Variants in LRRC2 observed in about 807,000 individuals in gnomAD.
The protein encoded by LRRC2 is leucine rich repeat containing 2, also known as leucine-rich repeat-containing protein 2.
In LRRC2, 27 loss-of-function variants were observed where a neutral mutation model predicts 40.2. The ratio of observed to expected loss-of-function variants is 0.67; its 90% CI spans 0.49 to 0.93. The LOEUF is 0.93. Ranked by LOEUF, LRRC2 falls within the 40% of genes least tolerant of loss-of-function variation. The probability of loss-of-function intolerance (pLI) is 0.00; values close to 1 mark genes in which losing one functional copy is unlikely to be tolerated. For missense variants in LRRC2, 402 were observed against 439.6 expected, an observed-to-expected ratio of 0.91 and a Z score of 0.76; for synonymous variants, 147 against 158.9, an observed-to-expected ratio of 0.92 and a Z score of 0.56.
rs150109562 is a variant in LRRC2, at chr3:46,539,073, G to T, written c.462C>A (p.Asn154Lys). 6.2e-7 allele frequency: 1 copy of T among 1,613,804 alleles called. No individual in the cohort carries two copies. Among genetic ancestry groups the T allele is most frequent in the Non-Finnish European group, 8.5e-7 (1 of 1,179,908 alleles). Residue 154 changes from asparagine (N) to lysine (K), a missense_variant, in exon 4 of 9, where the codon AAC becomes AAA. Coordinates refer to ENST00000395905, the MANE Select transcript of LRRC2 (RefSeq NM_024512.5). ...TTTCTGCTGGAAGATGTGAGATTTG[G>T]TTTTTTGGCAGATCCAGAATTCTCA... is the stretch of plus-strand genomic sequence containing the variant. ...QAMRILDLPK[N>K]QISHLPAEIG...
At chr3:46,535,699 G>A (rs1218516828) in intron 4 of LRRC2, among the ~76,000 whole-genome samples, 1 of 152,090 alleles carries the variant, frequency 6.6e-6, no homozygotes, top group African/African-American at 2.4e-5. Flanking sequence ...AATATTTTGG[G>A]AACAAGTTAA....
chr3:46,562,174 A>C (rs1704959000), intron 1 of LRRC2, among the ~76,000 whole-genome samples: 1 of 152,176 alleles, frequency 6.6e-6, no homozygotes, highest in African/African-American at 2.4e-5. Context: ...TCTCTGTCAG[A>C]TCACTCACTC....
At position 46,518,953 on chromosome 3, in the gene LRRC2, C is replaced by T; in HGVS notation, c.*61G>A. Reference sequence around the variant, plus strand: ...AGCCATTCTTCCTATATGACATGATCATAACAAAGATTTATATATAGCTCC... The same window carrying T: ...AGCCATTCTTCCTATATGACATGATTATAACAAAGATTTATATATAGCTCC... On this transcript the variant is annotated 3_prime_UTR_variant, in exon 9 of 9. Transcript: ENST00000395905. 1 of 1,128,792 alleles carries T rather than the reference C, an allele frequency of 8.9e-7. No individual in the cohort carries two copies. The highest frequency in any genetic ancestry group is 1.4e-6 in the Non-Finnish European group (1 of 740,316). The allele number at this position is 1,128,792 out of a possible 1,614,324, so 69.9% of individuals were successfully genotyped here.
At chr3:46,556,726 G>A (rs58498208) in intron 1 of LRRC2, among the ~76,000 whole-genome samples, 21,481 of 151,578 alleles carry the variant, frequency 0.14, 1,800 homozygotes, top group East Asian at 0.36. Flanking sequence ...TTACAGGCAC[G>A]TGCCACCACG....
rs1157135480 is a variant in LRRC2, at chr3:46,517,509, T to G, written c.*1505A>C. ...CTGGCTAATTTTTTGAATTTTTTTGTGGAGATGGGGTTTCGTCATGATGTC... is the reference window on the plus strand; with the variant it reads ...CTGGCTAATTTTTTGAATTTTTTTGGGGAGATGGGGTTTCGTCATGATGTC... On this transcript the variant is annotated 3_prime_UTR_variant, in exon 9 of 9. Coordinates refer to ENST00000395905, the MANE Select transcript of LRRC2 (RefSeq NM_024512.5). 6.6e-6 allele frequency: 1 copy of G among 151,986 alleles called. No individual in the cohort carries two copies. Among genetic ancestry groups the G allele is most frequent in the East Asian group, 1.9e-4 (1 of 5,180 alleles). 9.4% of individuals were successfully genotyped at this position (151,986 alleles called of 1,614,324 possible). A position where few individuals can be genotyped will look rare whatever the true frequency, so the allele number is the denominator to read the frequency against.
At position 46,521,501 on chromosome 3, in the gene LRRC2, T is replaced by C. The variant is rs181141230; in HGVS notation, c.1066+21A>G. On this transcript the variant is annotated intron_variant, in intron 8 of 8. Transcript: ENST00000395905. ...ACGTCTGTACACTAATTTTAAATAA[T>C]TTTAAATATGAGTAACCCACCTCTT... 31 of 1,532,762 alleles carry C rather than the reference T, an allele frequency of 2.0e-5. 1 individual carries two copies. Among genetic ancestry groups the C allele is most frequent in the Admixed American group, 8.1e-5 (4 of 49,256 alleles). The allele number at this position is 1,532,762 out of a possible 1,614,324, so 94.9% of individuals were successfully genotyped here.
intron 1 of LRRC2, among the ~76,000 whole-genome samples, chr3:46,563,379 C>T (rs1168240662): frequency 6.6e-6 from 1 of 152,154 alleles, no homozygotes; most frequent in African/African-American, 2.4e-5. Context: ...GAGCCCCTGG[C>T]ATGGTCTGCC....
chr3:46,543,014 C>G (rs1402149), intron 3 of LRRC2, among the ~76,000 whole-genome samples: 41 of 152,344 alleles, frequency 2.7e-4, no homozygotes, highest in African/African-American at 9.4e-4. Context: ...ACAGAGCACT[C>G]TAAGAGGCTG....
At chr3:46,563,741 T>C (rs531869029) in intron 1 of LRRC2, among the ~76,000 whole-genome samples, 2 of 152,340 alleles carry the variant, frequency 1.3e-5, no homozygotes, top group Admixed American at 1.3e-4. Context: ...GAGCAGCCAC[T>C]TGGGAGTCCC....
At chr3:46,537,464 G>A (rs538242651) in intron 4 of LRRC2, among the ~76,000 whole-genome samples, 1 of 152,246 alleles carries the variant, frequency 6.6e-6, no homozygotes, top group East Asian at 1.9e-4. Context: ...AATATACCAT[G>A]AGCTTGCCCA....
chr3:46,542,710 CAT>C (rs2107019255), intron 3 of LRRC2, among the ~76,000 whole-genome samples: 1 of 152,228 alleles, frequency 6.6e-6, no homozygotes, highest in Non-Finnish European at 1.5e-5. Flanking sequence ...GGAAATTAAA[CAT>C]GTGGTAGTAA....
intron 4 of LRRC2, 67 bp downstream of exon 4, chr3:46,538,978 G>A (rs1434167672): frequency 6.6e-7 from 1 of 1,526,706 alleles, no homozygotes; most frequent in Non-Finnish European, 8.9e-7. Context: ...CACAGTGTCT[G>A]TCACCTGCCT....
chr3:46,550,798 T>C (rs1307406336), intron 2 of LRRC2, among the ~76,000 whole-genome samples: 1 of 152,180 alleles, frequency 6.6e-6, no homozygotes, highest in Non-Finnish European at 1.5e-5. Flanking sequence ...GAGAATCCCA[T>C]TGTGTCAATC....
chr3:46,525,461 C>T (rs564028782), intron 7 of LRRC2, among the ~76,000 whole-genome samples: 3 of 152,056 alleles, frequency 2.0e-5, no homozygotes, highest in Non-Finnish European at 4.4e-5. Flanking sequence ...ATGTTACCCA[C>T]ACCGATCTCG....
chr3:46,521,044 T>G (rs1385912522), intron 8 of LRRC2, among the ~76,000 whole-genome samples: 1 of 152,184 alleles, frequency 6.6e-6, no homozygotes. Context: ...CACCACCCTA[T>G]GGGAACCAAA....
chr3:46,519,625 C>T (rs1171787667), intron 8 of LRRC2, among the ~76,000 whole-genome samples: 2 of 152,212 alleles, frequency 1.3e-5, no homozygotes, highest in African/African-American at 4.8e-5. Context: ...AAGGCATCAA[C>T]ATCACCAGCG....
At chr3:46,544,785 G>C (rs1704489538) in intron 3 of LRRC2, among the ~76,000 whole-genome samples, 1 of 152,178 alleles carries the variant, frequency 6.6e-6, no homozygotes, top group South Asian at 2.1e-4. Flanking sequence ...TTATGTTAAG[G>C]GTCTAGGGCG....
At chr3:46,533,775 T>TTTTCTTTCTTTCTTTCTTTGTTTGTTTC (rs1553612504) in intron 4 of LRRC2, among the ~76,000 whole-genome samples, 1 of 92,928 alleles carries the variant, frequency 1.1e-5, no homozygotes, top group African/African-American at 3.3e-5. Context: ...CCTCCCTCTC[T>TTTTCTTTCTTTCTTTCTTTGTTTGTTTC]TTTCTTTCTT....
intron 3 of LRRC2, among the ~76,000 whole-genome samples, chr3:46,540,753 A>G (rs1342660058): frequency 6.6e-6 from 1 of 152,190 alleles, no homozygotes; most frequent in Non-Finnish European, 1.5e-5. Context: ...TCTGAAGCCA[A>G]CTACCTAGTT....
Sources: allele counts gnomAD v4.1 joint callset (sites outside exome capture counted in the v4.1 genomes callset), GRCh38; gene constraint gnomAD v4.1.1; transcripts MANE v1.5; gene names NCBI Gene and HGNC (gene_info 2026-07-23, HGNC 2026-07-21).